The following TIAM1 variants were observed in gnomAD, a reference collection of about 807,000 sequenced individuals.
TIAM1 encodes rho guanine nucleotide exchange factor TIAM1.
Under a neutral mutation model 163.5 loss-of-function variants are expected in TIAM1, and 65 were observed. The observed-to-expected ratio is 0.40, with a 90% CI of 0.33 to 0.49. TIAM1 has a LOEUF of 0.49. TIAM1 is among the 20% of genes least tolerant of loss of function. TIAM1 has a pLI of 0.77. For synonymous variants in TIAM1, 833 were observed against 810.1 expected (o/e 1.03, Z -0.48); for missense variants, 1,789 against 2,044.7 (o/e 0.87, Z 2.41).
At chr21:31,502,440 G>A (rs2046880318) in intron 1 of TIAM1, among the ~76,000 whole-genome samples, 1 of 152,000 alleles carries the variant, frequency 6.6e-6, no homozygotes, top group Admixed American at 6.6e-5. Context: ...ACCCAGCCTG[G>A]AAGCAATTTT....
In TIAM1 at chr21:31,127,274, A is replaced by C. The variant is rs1463810903; in HGVS notation, c.4046-122T>G. ...AATGCAGAACACTGTATAAGATCAA[A>C]GATATTTTCCTACTATTTCACAATC... On this transcript the variant is annotated intron_variant, in intron 25 of 27. Transcript: ENST00000541036. 8.4e-6 allele frequency: 7 copies of C among 837,360 alleles called. No individual in the cohort carries two copies. In the Admixed American group the frequency reaches 1.4e-4, roughly 17 times the overall value. 51.9% of individuals were successfully genotyped at this position (837,360 alleles called of 1,614,324 possible).
chr21:31,193,876 C>A (rs1385001399), intron 13 of TIAM1, among the ~76,000 whole-genome samples: 1 of 152,144 alleles, frequency 6.6e-6, no homozygotes, highest in Non-Finnish European at 1.5e-5. Context: ...GTCAGCCATG[C>A]GTACAGTAAG....
At chr21:31,394,728 T>TCTCTCTCTCTCACACACA (rs1279053911) in intron 2 of TIAM1, among the ~76,000 whole-genome samples, 1 of 95,726 alleles carries the variant, frequency 1.0e-5, no homozygotes, top group African/African-American at 4.1e-5. Context: ...TCTCTCTCTC[T>TCTCTCTCTCTCACACACA]CACACACACA....
At chr21:31,293,693 T>C (rs569962381) in intron 2 of TIAM1, among the ~76,000 whole-genome samples, 121 of 152,314 alleles carry the variant, frequency 7.9e-4, no homozygotes, top group African/African-American at 2.8e-3. Flanking sequence ...CTCCGGGGCA[T>C]GAAGAGGTCG....
chr21:31,300,082 T>G (rs913600532), intron 2 of TIAM1, among the ~76,000 whole-genome samples: 4 of 152,162 alleles, frequency 2.6e-5, no homozygotes, highest in African/African-American at 9.7e-5. Context: ...GGATTTCTCA[T>G]GAATGGGTTA....
At chr21:31,176,155 A>G (rs940515042) in intron 15 of TIAM1, among the ~76,000 whole-genome samples, 3 of 152,172 alleles carry the variant, frequency 2.0e-5, no homozygotes, top group Non-Finnish European at 2.9e-5. Flanking sequence ...CTAAACATCA[A>G]CACACAGGAC....
chr21:31,312,374 G>A (rs1431460345), intron 2 of TIAM1, among the ~76,000 whole-genome samples: 2 of 152,092 alleles, frequency 1.3e-5, no homozygotes, highest in African/African-American at 2.4e-5. Flanking sequence ...CATAATACTG[G>A]TCTTGGAAGG....
chr21:31,328,218 C>T (rs1410433742), intron 2 of TIAM1, among the ~76,000 whole-genome samples: 2 of 152,140 alleles, frequency 1.3e-5, no homozygotes, highest in African/African-American at 2.4e-5. Context: ...GTAACAATCA[C>T]CTTCCCACAT....
intron 2 of TIAM1, among the ~76,000 whole-genome samples, chr21:31,281,085 C>CAAAAAAAAA (rs748020575): frequency 1.1e-4 from 7 of 63,710 alleles, no homozygotes; most frequent in African/African-American, 2.4e-4. Context: ...GACCCTAACT[C>CAAAAAAAAA]AAAAAAAAAA....
chr21:31,251,155 G>T (rs541694405), intron 5 of TIAM1, among the ~76,000 whole-genome samples: 2 of 151,806 alleles, frequency 1.3e-5, no homozygotes, highest in South Asian at 4.2e-4. Flanking sequence ...AGTCCAAAAA[G>T]ATTTGGTTTT....
chr21:31,456,002 T>C (rs2045084655), intron 2 of TIAM1, among the ~76,000 whole-genome samples: 1 of 152,160 alleles, frequency 6.6e-6, no homozygotes, highest in Non-Finnish European at 1.5e-5. Context: ...TCCGTGTTAA[T>C]TTCCGGATAT....
chr21:31,449,939 A>C (rs987890364), intron 2 of TIAM1, among the ~76,000 whole-genome samples: 1 of 152,188 alleles, frequency 6.6e-6, no homozygotes, highest in African/African-American at 2.4e-5. Flanking sequence ...GTTGGTTGAG[A>C]GGAAGGCCAG....
chr21:31,365,914 A>C (rs2076497322), intron 2 of TIAM1, among the ~76,000 whole-genome samples: 1 of 151,610 alleles, frequency 6.6e-6, no homozygotes, highest in Admixed American at 6.6e-5. Context: ...CATCCTGGCC[A>C]ACATGGTGAA....
intron 20 of TIAM1, among the ~76,000 whole-genome samples, chr21:31,146,363 G>A (rs986241917): frequency 2.0e-5 from 3 of 148,756 alleles, no homozygotes; most frequent in African/African-American, 7.5e-5. Flanking sequence ...GACCTGGGAG[G>A]TGGAGGTTCC....
chr21:31,493,434 G>A (rs145379156), intron 1 of TIAM1, among the ~76,000 whole-genome samples: 189 of 152,282 alleles, frequency 1.2e-3, no homozygotes, highest in African/African-American at 4.2e-3. Context: ...AGGTGGCATC[G>A]GAAATGGAAA....
chr21:31,511,596 A>T (rs972717509), intron 1 of TIAM1, among the ~76,000 whole-genome samples: 4 of 152,208 alleles, frequency 2.6e-5, no homozygotes, highest in African/African-American at 9.6e-5. Context: ...ACCGAGTCCA[A>T]GCTATGCATG....
At chr21:31,167,153 G>A (rs1473602691) in intron 15 of TIAM1, among the ~76,000 whole-genome samples, 2 of 144,986 alleles carry the variant, frequency 1.4e-5, no homozygotes, top group Admixed American at 7.1e-5. Flanking sequence ...GTGCAGTGGT[G>A]CAATCTCAGC....
Position 31,120,578 on chromosome 21 carries a change from T to A in TIAM1, c.4566A>T (p.Arg1522Ser), listed in dbSNP as rs1315917570. ...TGGCCTGAAGCCGCTCCTGCAGGTC[T>A]CTGTCCACTGAGGCACCCTTCACGG... The part of the protein sequence containing the change: ...CESVKGASVD[R>S]DLQERLQATS... Residue 1522 changes from arginine to serine, a missense_variant, in exon 28 of 28, where the codon AGA becomes AGT. Around this residue, in one of 5 missense-constraint regions of TIAM1, gnomAD observed 415 missense variants for 439.2 expected, o/e 0.94. Transcript: ENST00000541036. The surrounding 1 kb of genome is among the most constrained non-coding windows in gnomAD (Gnocchi z 4.2). The A allele has an allele frequency of 6.2e-7, 1 of 1,614,210 alleles. No homozygotes were observed. Among genetic ancestry groups the A allele is most frequent in the East Asian group, 2.2e-5 (1 of 44,862 alleles).
In TIAM1 at chr21:31,541,774, T is replaced by C. The variant is rs758990934; in HGVS notation, c.-422+17153A>G. On this transcript the variant is annotated intron_variant, in intron 1 of 28. Coordinates refer to the TIAM1 transcript ENST00000286827. Reference sequence around the variant, plus strand: ...AAAAGCAACCAATGTGTTCCTATCCTAGGAATGCAGAAGAATGTCTCCTTT... The same window carrying C: ...AAAAGCAACCAATGTGTTCCTATCCCAGGAATGCAGAAGAATGTCTCCTTT... Among the ~76,000 whole-genome samples, 74 of 152,230 alleles carry C rather than the reference T, an allele frequency of 4.9e-4. 1 individual carries two copies. The highest frequency in any genetic ancestry group is 1.6e-4 in the Non-Finnish European group (11 of 68,036).
Sources: allele counts gnomAD v4.1 joint callset (sites outside exome capture counted in the v4.1 genomes callset), GRCh38; gene constraint gnomAD v4.1.1; regional missense constraint gnomAD v4.1.1; non-coding constraint Gnocchi (gnomAD v3.1); transcripts MANE v1.5; gene names NCBI Gene and HGNC (gene_info 2026-07-23, HGNC 2026-07-21).